Variants in PACS1 observed in about 807,000 individuals in gnomAD.
The protein encoded by PACS1 is PACS-1.
Under a neutral mutation model 115.0 loss-of-function variants are expected in PACS1, and 24 were observed. The ratio of observed to expected loss-of-function variants is 0.21; its 90% CI spans 0.15 to 0.29. The LOEUF is 0.29. Ranked by LOEUF, PACS1 falls within the 10% of genes least tolerant of loss-of-function variation. PACS1 has a pLI of 1.00. For missense variants in PACS1, 838 were observed against 1,251.2 expected (o/e 0.67, Z 4.98); for synonymous variants, 453 against 504.5 (o/e 0.90, Z 1.37).
chr11:66,193,739 A>G (rs1854584668), intron 2 of PACS1, among the ~76,000 whole-genome samples, 166 bp downstream of exon 2: 1 of 152,234 alleles, frequency 6.6e-6, no homozygotes, highest in Non-Finnish European at 1.5e-5. Context: ...TTCTGAGCCC[A>G]GCTCTGCCTC....
Position 66,233,896 on chromosome 11 carries a change from C to T in PACS1, c.1950C>T (p.Thr650=). The T allele has an allele frequency of 1.1e-5, 17 of 1,595,050 alleles. No homozygotes were observed. Among genetic ancestry groups the T allele is most frequent in the Non-Finnish European group, 1.3e-5 (15 of 1,169,706 alleles). ...RFFVKSLANK[T]SDWLGYMRFL... Reference sequence around the variant, plus strand: ...TTGTCAAGTCCCTGGCCAACAAGACCTCCGACTGGCTTGGCTACATGCGCT... The same window carrying T: ...TTGTCAAGTCCCTGGCCAACAAGACTTCCGACTGGCTTGGCTACATGCGCT... The change falls in exon 16 of 24, where the codon ACC becomes ACT. Residue 650 remains threonine (T), a synonymous_variant. Transcript: ENST00000320580. The surrounding 1 kb of genome is among the most constrained non-coding windows in gnomAD (Gnocchi z 4.5).
intron 1 of PACS1, among the ~76,000 whole-genome samples, chr11:66,146,698 A>C (rs1206124473): frequency 6.6e-6 from 1 of 152,152 alleles, no homozygotes; most frequent in South Asian, 2.1e-4. Context: ...TTCAAATCGG[A>C]TAAATATTAA....
At chr11:66,098,302 A>G (rs944873729) in intron 1 of PACS1, among the ~76,000 whole-genome samples, 2 of 152,208 alleles carry the variant, frequency 1.3e-5, no homozygotes, top group South Asian at 4.1e-4. Flanking sequence ...GTGTCTCTGC[A>G]TGAATGTGTG....
At chr11:66,125,586 A>G (rs763218386) in intron 1 of PACS1, among the ~76,000 whole-genome samples, 1 of 152,212 alleles carries the variant, frequency 6.6e-6, no homozygotes, top group Non-Finnish European at 1.5e-5. Context: ...AGTGTATGAA[A>G]ATACACATTA....
At chr11:66,110,559 T>C (rs1242007675) in intron 1 of PACS1, among the ~76,000 whole-genome samples, 1 of 152,120 alleles carries the variant, frequency 6.6e-6, no homozygotes, top group Non-Finnish European at 1.5e-5. Context: ...TCCTTCTCTT[T>C]CCTGTAGTTT....
At chr11:66,103,174 G>A (rs537626663) in intron 1 of PACS1, among the ~76,000 whole-genome samples, 21 of 152,246 alleles carry the variant, frequency 1.4e-4, no homozygotes, top group Middle Eastern at 6.8e-3. Context: ...AATGATAAAC[G>A]TCCTTAAGAT....
intron 2 of PACS1, among the ~76,000 whole-genome samples, chr11:66,207,035 G>C (rs528419214): frequency 1.3e-5 from 2 of 152,290 alleles, no homozygotes; most frequent in Admixed American, 6.5e-5. Context: ...GGCCAGTCTC[G>C]TTTCGTCTGT....
intron 4 of PACS1, among the ~76,000 whole-genome samples, chr11:66,211,463 T>A (rs1051703483): frequency 6.6e-6 from 1 of 152,216 alleles, no homozygotes; most frequent in African/African-American, 2.4e-5. Flanking sequence ...AAAGTTTTAA[T>A]TTTTAAACAG....
chr11:66,171,579 T>C (rs1859738050), intron 1 of PACS1, among the ~76,000 whole-genome samples: 1 of 149,636 alleles, frequency 6.7e-6, no homozygotes, highest in Non-Finnish European at 1.5e-5. Flanking sequence ...ATTTTTCTTT[T>C]CTTTTCTTTT....
chr11:66,235,302 G>C lies in PACS1; in HGVS notation c.2106G>C (p.Glu702Asp). Residue 702 changes from glutamate to aspartate, a missense_variant and splice_region_variant, in exon 18 of 24, where the codon GAG becomes GAC. Glu to Asp is a conservative substitution (Grantham distance 45). Around this residue, in one of 6 missense-constraint regions of PACS1, gnomAD observed 383 missense variants for 537.0 expected, o/e 0.71. Coordinates refer to ENST00000320580, the MANE Select transcript of PACS1 (RefSeq NM_018026.4). The surrounding 1 kb of genome is among the most constrained non-coding windows in gnomAD (Gnocchi z 5.6). The part of the protein sequence containing the change: ...LFSRSEPPVS[E>D]QLDVAGRVMQ... The stretch of plus-strand genomic sequence containing the variant: ...AGTGATCTCTTGGCTTTTCTGCAGA[G>C]CAACTGGACGTGGCAGGGCGGGTGA... 4 of 1,613,172 alleles carry C rather than the reference G, an allele frequency of 2.5e-6. No individual in the cohort carries two copies. The highest frequency in any genetic ancestry group is 3.4e-6 in the Non-Finnish European group (4 of 1,179,188).
chr11:66,158,693 A>G (rs906948347), intron 1 of PACS1, among the ~76,000 whole-genome samples: 2 of 152,182 alleles, frequency 1.3e-5, no homozygotes, highest in South Asian at 4.1e-4. Context: ...AGAGAGAGTA[A>G]AGTAAAGCAG....
chr11:66,219,076 A>G (rs1312168201), intron 7 of PACS1, among the ~76,000 whole-genome samples: 1 of 152,054 alleles, frequency 6.6e-6, no homozygotes, highest in Non-Finnish European at 1.5e-5. Context: ...TAGCATGAGC[A>G]GGTTTGCACT....
chr11:66,221,320 T>C, intron 10 of PACS1, 73 bp downstream of exon 10: 3 of 1,281,940 alleles, frequency 2.3e-6, no homozygotes, highest in Non-Finnish European at 3.4e-6. Context: ...GCCCTCTGCA[T>C]CTCTGATCAG....
At chr11:66,114,103 C>CT (rs1164456218) in intron 1 of PACS1, among the ~76,000 whole-genome samples, 1 of 73,144 alleles carries the variant, frequency 1.4e-5, no homozygotes, top group Non-Finnish European at 4.1e-5. Flanking sequence ...AGTTGTTCAG[C>CT]TTGTTTTTTT....
intron 1 of PACS1, among the ~76,000 whole-genome samples, chr11:66,099,577 G>GCTCTGT (rs1857867200): frequency 6.7e-6 from 1 of 150,322 alleles, no homozygotes; most frequent in Non-Finnish European, 1.5e-5. Context: ...GCAGGGTCTG[G>GCTCTGT]CTCTGTCTCC....
At chr11:66,158,197 G>C (rs1859403852) in intron 1 of PACS1, among the ~76,000 whole-genome samples, 2 of 152,186 alleles carry the variant, frequency 1.3e-5, no homozygotes, top group African/African-American at 4.8e-5. Context: ...TCGAGCTCCT[G>C]AGCTCAAGTG....
At chr11:66,111,518 C>T (rs965259268) in intron 1 of PACS1, among the ~76,000 whole-genome samples, 1 of 152,176 alleles carries the variant, frequency 6.6e-6, no homozygotes, top group Non-Finnish European at 1.5e-5. Context: ...AATACAAGGA[C>T]CTAACTCTTG....
intron 9 of PACS1, 84 bp downstream of exon 9, chr11:66,220,875 T>C: frequency 6.4e-6 from 9 of 1,404,700 alleles, no homozygotes; most frequent in Non-Finnish European, 8.8e-6. Flanking sequence ...CTGTCCCCTC[T>C]ATTACCAGAG....
rs1425499409 is a variant in PACS1, at chr11:66,220,796, G to A, written c.1199+5G>A. 2 of 1,613,318 alleles carry A rather than the reference G, an allele frequency of 1.2e-6. No homozygotes were observed. Among genetic ancestry groups the A allele is most frequent in the Admixed American group, 3.3e-5 (2 of 59,908 alleles). On this transcript the variant is annotated splice_donor_5th_base_variant and intron_variant, in intron 9 of 23. Transcript: ENST00000320580. ...CACGCCAAAGCCCAAGCTCAAGTGA[G>A]CCCCCCTCTCTGTAGCTGGCCTCCA...
Sources: allele counts gnomAD v4.1 joint callset (sites outside exome capture counted in the v4.1 genomes callset), GRCh38; gene constraint gnomAD v4.1.1; regional missense constraint gnomAD v4.1.1; non-coding constraint Gnocchi (gnomAD v3.1); transcripts MANE v1.5; gene names NCBI Gene and HGNC (gene_info 2026-07-23, HGNC 2026-07-21).